KIAA0319L: variants seen among roughly 807,000 people sequenced by gnomAD.
KIAA0319L encodes dyslexia-associated protein KIAA0319-like protein.
In KIAA0319L, 55 loss-of-function variants were observed where a neutral mutation model predicts 120.1. That is an observed-to-expected ratio of 0.46 (90% CI 0.37 to 0.57). The LOEUF (loss-of-function observed/expected upper bound fraction) is 0.57, where lower values mean the gene tolerates loss of function less well. Ranked by LOEUF, KIAA0319L falls within the 20% of genes least tolerant of loss-of-function variation. The probability of loss-of-function intolerance (pLI) is 0.00; values close to 1 mark genes in which losing one functional copy is unlikely to be tolerated. For synonymous variants in KIAA0319L, 398 were observed against 471.9 expected, an observed-to-expected ratio of 0.84 and a Z score of 2.03; for missense variants, 1,049 against 1,255.3, an observed-to-expected ratio of 0.84 and a Z score of 2.48.
rs142350136 is a variant in KIAA0319L, at chr1:35,471,819, A to G, written c.1016-859T>C. Reference sequence around the variant, plus strand: ...CTTATTTCATGAGTTCAAATGTTAAAATCAGTACACAGAACCTAATTCCAA... The same window carrying G: ...CTTATTTCATGAGTTCAAATGTTAAGATCAGTACACAGAACCTAATTCCAA... On this transcript the variant is annotated intron_variant, in intron 5 of 20. Transcript: ENST00000325722. 2.6e-4 allele frequency among the ~76,000 whole-genome samples: 40 copies of G among 152,342 alleles called. No individual in the cohort carries two copies. The East Asian group carries it at 4.4e-3, about 17-fold the overall frequency.
At chr1:35,527,654 T>C (rs1411011515) in intron 2 of KIAA0319L, among the ~76,000 whole-genome samples, 1 of 152,160 alleles carries the variant, frequency 6.6e-6, no homozygotes, top group Non-Finnish European at 1.5e-5. Flanking sequence ...CACGGATTCA[T>C]CAATTTCCTC....
intron 20 of KIAA0319L, chr1:35,438,616 G>C (rs943623457): frequency 1.4e-5 from 2 of 144,126 alleles, no homozygotes; most frequent in Admixed American, 7.5e-5. Flanking sequence ...CCAGGTTCTA[G>C]CAATTCTCCT....
Position 35,520,393 on chromosome 1 carries a change from C to T in KIAA0319L, c.143-13258G>A, listed in dbSNP as rs915955644. Among the ~76,000 whole-genome samples the T allele has an allele frequency of 7.9e-5, 12 of 152,072 alleles. No homozygotes were observed. The East Asian group carries it at 2.1e-3, about 27-fold the overall frequency. The stretch of plus-strand genomic sequence containing the variant: ...GATTACAGGCATAAGCCACTGCACC[C>T]GGCCTCTTTTTTTTCTTTAAGACAG... On this transcript the variant is annotated intron_variant, in intron 2 of 20. Coordinates refer to ENST00000325722, the MANE Select transcript of KIAA0319L (RefSeq NM_024874.5).
chr1:35,460,630 G>A (rs183683629), intron 8 of KIAA0319L, among the ~76,000 whole-genome samples, 193 bp from the exon 9 acceptor site: 1 of 152,282 alleles, frequency 6.6e-6, no homozygotes, highest in East Asian at 1.9e-4. Flanking sequence ...ATTCTACTGT[G>A]TAGTTTTCCA....
rs148180385 is a variant in KIAA0319L at position 35,540,933 on chromosome 1, A to G, written c.142+13417T>C. Among the ~76,000 whole-genome samples, 451 of 152,070 alleles carry G rather than the reference A, an allele frequency of 3.0e-3. 1 individual carries two copies. Among genetic ancestry groups the G allele is most frequent in the Non-Finnish European group, 4.7e-3 (318 of 67,980 alleles). ...GAAACCGTATCTGTCTTGCTCACCAATGTATTAATTTTCCCTTTTTTTTTT... is the reference window on the plus strand; with the variant it reads ...GAAACCGTATCTGTCTTGCTCACCAGTGTATTAATTTTCCCTTTTTTTTTT... On this transcript the variant is annotated intron_variant, in intron 2 of 20. Coordinates refer to ENST00000325722, the MANE Select transcript of KIAA0319L (RefSeq NM_024874.5).
chr1:35,521,616 G>C (rs1211546482), intron 2 of KIAA0319L, among the ~76,000 whole-genome samples: 7 of 137,596 alleles, frequency 5.1e-5, no homozygotes, highest in Admixed American at 7.4e-5. Flanking sequence ...CCTGGGTGAC[G>C]GAGAGAGACT....
rs1204210021 is a variant in KIAA0319L at position 35,506,895 on chromosome 1, A to G, written c.383T>C (p.Leu128Pro). ...AFRTHSSNSM[L>P]VFLKKFQTAD... ...AGTTTGGAATTTTTTTAAAAACACCAGCATGGAATTGGAGGAGTGTGTCCT... is the reference window on the plus strand; with the variant it reads ...AGTTTGGAATTTTTTTAAAAACACCGGCATGGAATTGGAGGAGTGTGTCCT... The change falls in exon 3 of 21, where the codon CTG becomes CCG. Residue 128 changes from leucine to proline, a missense_variant. By Grantham distance (98) the Leu-to-Pro change is moderately conservative (BLOSUM62 -3). Transcript: ENST00000325722. This position sits in a 1 kb window ranked among gnomAD's most constrained non-coding sequence, Gnocchi z 4.0. 6.2e-7 allele frequency: 1 copy of G among 1,614,200 alleles called. No individual in the cohort carries two copies. The highest frequency in any genetic ancestry group is 8.5e-7 in the Non-Finnish European group (1 of 1,180,030).
At chr1:35,487,712 C>T (rs980093041) in intron 3 of KIAA0319L, among the ~76,000 whole-genome samples, 1 of 152,254 alleles carries the variant, frequency 6.6e-6, no homozygotes, top group African/African-American at 2.4e-5. Flanking sequence ...GTCCATAAGA[C>T]TTCATATATC....
chr1:35,492,552 T>C (rs1644637636), intron 3 of KIAA0319L, among the ~76,000 whole-genome samples: 1 of 151,628 alleles, frequency 6.6e-6, no homozygotes, highest in South Asian at 2.1e-4. Flanking sequence ...AATAATAATA[T>C]CATGACCAAG....
chr1:35,450,863 GT>G (rs1387133121), intron 13 of KIAA0319L, among the ~76,000 whole-genome samples: 1 of 152,156 alleles, frequency 6.6e-6, no homozygotes, highest in Non-Finnish European at 1.5e-5. Context: ...TGGAGTTTAG[GT>G]TTCACCTAGC....
In KIAA0319L at chr1:35,451,725, C is replaced by T. The variant is rs1489191731; in HGVS notation, c.1965G>A (p.Val655=). ...LENANSSVAT[V]TGLQVGTYVF... ...CATAGGTCCCCACTTGCAGCCCAGTCACAGTAGCAACACTGCTGTTAGCAT... is the reference window on the plus strand; with the variant it reads ...CATAGGTCCCCACTTGCAGCCCAGTTACAGTAGCAACACTGCTGTTAGCAT... The change falls in exon 13 of 21, where the codon GTG becomes GTA. Residue 655 remains valine (V), a synonymous_variant. Coordinates refer to ENST00000325722, the MANE Select transcript of KIAA0319L (RefSeq NM_024874.5). 6.2e-7 allele frequency: 1 copy of T among 1,614,138 alleles called. No homozygotes were observed. Among genetic ancestry groups the T allele is most frequent in the Non-Finnish European group, 8.5e-7 (1 of 1,179,984 alleles).
chr1:35,487,400 A>G (rs896723849), intron 3 of KIAA0319L, among the ~76,000 whole-genome samples: 8 of 152,112 alleles, frequency 5.3e-5, no homozygotes, highest in African/African-American at 1.7e-4. Context: ...AATTAAAGGC[A>G]TGCACCACCA....
chr1:35,526,372 CATATATATATACATACATAT>C (rs1646133929), intron 2 of KIAA0319L, among the ~76,000 whole-genome samples: 2 of 128,230 alleles, frequency 1.6e-5, no homozygotes, highest in African/African-American at 3.1e-5. Flanking sequence ...TATATACATA[CATATATATATACATACATAT>C]ATATATATAT....
Position 35,451,937 on chromosome 1 carries a change from C to T in KIAA0319L, c.1914-161G>A, listed in dbSNP as rs1570645548. On this transcript the variant is annotated intron_variant, in intron 12 of 20. Coordinates refer to ENST00000325722, the MANE Select transcript of KIAA0319L (RefSeq NM_024874.5). ...AAAATATTTCAATTGGACAAAGTGT[C>T]ATTTGGCCTCAAAATACAGGCTGCC... 1.2e-5 allele frequency: 9 copies of T among 753,252 alleles called. No homozygotes were observed. In the South Asian group the frequency reaches 1.8e-4, roughly 15 times the overall value. 46.7% of individuals were successfully genotyped at this position (753,252 alleles called of 1,614,324 possible). A position where few individuals can be genotyped will look rare whatever the true frequency, so the allele number is the denominator to read the frequency against.
chr1:35,515,935 A>C (rs1200661026), intron 2 of KIAA0319L, among the ~76,000 whole-genome samples: 1 of 152,202 alleles, frequency 6.6e-6, no homozygotes, highest in Non-Finnish European at 1.5e-5. Flanking sequence ...CTATGCATAC[A>C]AACTAGAAAA....
rs1644090904 is a variant in KIAA0319L at position 35,479,966 on chromosome 1, A to AAAAAAAAAC, written c.667-755_667-754insGTTTTTTTT. On this transcript the variant is annotated intron_variant, in intron 3 of 20. Coordinates refer to ENST00000325722, the MANE Select transcript of KIAA0319L (RefSeq NM_024874.5). ...ATGAGCCAAAAAAAAAAAAAAAAAA[A>AAAAAAAAAC]AAAAAACACAAGCTAAAGTTACTTA... 6.9e-5 allele frequency among the ~76,000 whole-genome samples: 9 copies of AAAAAAAAAC among 130,800 alleles called. No homozygotes were observed. The East Asian group carries it at 1.5e-3, about 22-fold the overall frequency. 85.8% of individuals were successfully genotyped at this position (130,800 alleles called of 152,430 possible). A position where few individuals can be genotyped will look rare whatever the true frequency, so the allele number is the denominator to read the frequency against.
intron 2 of KIAA0319L, among the ~76,000 whole-genome samples, chr1:35,548,804 C>A (rs1401214207): frequency 6.6e-6 from 1 of 152,012 alleles, no homozygotes; most frequent in Non-Finnish European, 1.5e-5. Context: ...TCTTTATATT[C>A]CAGTAGTGCT....
At chr1:35,530,803 A>G (rs1646335104) in intron 2 of KIAA0319L, among the ~76,000 whole-genome samples, 1 of 152,166 alleles carries the variant, frequency 6.6e-6, no homozygotes, top group Admixed American at 6.5e-5. Context: ...TTCTGGATGC[A>G]TGCGGCAGTG....
intron 15 of KIAA0319L, 151 bp downstream of exon 15, chr1:35,449,716 T>C: frequency 1.3e-6 from 1 of 768,980 alleles, no homozygotes; most frequent in Non-Finnish European, 2.1e-6. Context: ...AGACGGTCTC[T>C]ATGGATTTTT....
Sources: gnomAD v4.1 joint callset for allele counts (sites outside exome capture counted in the v4.1 genomes callset) on GRCh38, gnomAD v4.1.1 for gene constraint, Gnocchi (gnomAD v3.1) non-coding constraint, MANE v1.5 for transcripts, NCBI Gene and HGNC (gene_info 2026-07-23, HGNC 2026-07-21) for gene names.